Variants in CCAR1 observed in about 807,000 individuals in gnomAD.
CCAR1 encodes cell division cycle and apoptosis regulator 1.
CCAR1 carries 78 observed loss-of-function variants against 163.8 expected under a neutral mutation model. The ratio of observed to expected loss-of-function variants is 0.48; its 90% CI spans 0.40 to 0.57. The LOEUF (loss-of-function observed/expected upper bound fraction) is 0.57. Among genes scored for constraint, CCAR1 ranks in the 20% least tolerant of loss-of-function variants. CCAR1 has a pLI of 0.00. For synonymous variants in CCAR1, 443 were observed against 460.7 expected (o/e 0.96, Z 0.49); for missense variants, 1,019 against 1,365.2 (o/e 0.75, Z 4.00).
At position 68,786,668 on chromosome 10, in the gene CCAR1, T is replaced by C; in HGVS notation, c.2856T>C (p.Leu952=). ...EKDLEEILYT[L]GLHLSRAQVK... is the part of the protein sequence containing the mutation. ...ATTTGGAAGAAATACTTTATACTCT[T>C]GGACTACATCTTTCTCGGGCTCAGG... Residue 952 remains leucine (L), a synonymous_variant, in exon 21 of 25, where the codon CTT becomes CTC. Transcript: ENST00000265872. 6.3e-7 allele frequency: 1 copy of C among 1,597,490 alleles called. No homozygotes were observed. The highest frequency in any genetic ancestry group is 8.5e-7 in the Non-Finnish European group (1 of 1,175,468).
chr10:68,773,772 C>T (rs2056630340), intron 19 of CCAR1, among the ~76,000 whole-genome samples: 1 of 152,276 alleles, frequency 6.6e-6, no homozygotes, highest in Middle Eastern at 3.4e-3. Flanking sequence ...AGTACTGTGG[C>T]ATGCTCACAG....
At chr10:68,781,412 G>A (rs1206374748) in intron 19 of CCAR1, among the ~76,000 whole-genome samples, 4 of 151,644 alleles carry the variant, frequency 2.6e-5, no homozygotes, top group Admixed American at 1.3e-4. Flanking sequence ...GCGTGGTGGC[G>A]GGCACCTGTA....
chr10:68,782,203 T>C (rs2056744900), intron 19 of CCAR1, among the ~76,000 whole-genome samples: 2 of 152,168 alleles, frequency 1.3e-5, no homozygotes, highest in Non-Finnish European at 2.9e-5. Flanking sequence ...CTATAAAGGC[T>C]AAGAAAGATG....
intron 19 of CCAR1, among the ~76,000 whole-genome samples, chr10:68,784,503 A>G (rs763289364): frequency 1.9e-4 from 29 of 152,042 alleles, no homozygotes; most frequent in Non-Finnish European, 4.1e-4. Context: ...GTGACCCACC[A>G]TGTTCGGCGA....
intron 17 of CCAR1, among the ~76,000 whole-genome samples, chr10:68,768,426 A>G (rs962770969): frequency 6.6e-6 from 1 of 151,844 alleles, no homozygotes; most frequent in South Asian, 2.1e-4. Flanking sequence ...CCTGGCCAAC[A>G]TCGTGAAACC....
chr10:68,738,001 T>G lies in CCAR1; in HGVS notation c.291+112T>G, dbSNP rs897500033. On this transcript the variant is annotated intron_variant, in intron 4 of 24. Transcript: ENST00000265872. ...AGCTACCTTAACATGTGATACAAATTTTTTGGGAGGGGCTAGAGTAAATAG... is the reference window on the plus strand; with the variant it reads ...AGCTACCTTAACATGTGATACAAATGTTTTGGGAGGGGCTAGAGTAAATAG... The G allele has an allele frequency of 8.4e-6, 6 of 718,400 alleles. No individual in the cohort carries two copies. The South Asian group carries it at 1.1e-4, about 13-fold the overall frequency. The allele number at this position is 718,400 out of a possible 1,614,324, so 44.5% of individuals were successfully genotyped here. A position where few individuals can be genotyped will look rare whatever the true frequency, so the allele number is the denominator to read the frequency against.
At position 68,769,379 on chromosome 10, in the gene CCAR1, G is replaced by A. The variant is rs559815725; in HGVS notation, c.2299-1827G>A. ...CTCACGCCTGTAATCCCAGCACTTCGGCAGTCTGAGGCAGGCGGATCGCCT... is the reference window on the plus strand; with the variant it reads ...CTCACGCCTGTAATCCCAGCACTTCAGCAGTCTGAGGCAGGCGGATCGCCT... On this transcript the variant is annotated intron_variant, in intron 17 of 24. Coordinates refer to ENST00000265872, the MANE Select transcript of CCAR1 (RefSeq NM_018237.4). 6.7e-3 allele frequency among the ~76,000 whole-genome samples: 1,022 copies of A among 152,244 alleles called. 8 individuals carry two copies. Among genetic ancestry groups the A allele is most frequent in the Non-Finnish European group, 9.7e-3 (662 of 68,006 alleles).
chr10:68,750,625 A>C (rs1296318295), intron 10 of CCAR1, among the ~76,000 whole-genome samples: 1 of 152,172 alleles, frequency 6.6e-6, no homozygotes, highest in Admixed American at 6.6e-5. Flanking sequence ...GACTTAACCC[A>C]GTGTGTGGCA....
At chr10:68,772,448 A>C (rs1352128497) in intron 18 of CCAR1, among the ~76,000 whole-genome samples, 1 of 151,852 alleles carries the variant, frequency 6.6e-6, no homozygotes, top group Non-Finnish European at 1.5e-5. Flanking sequence ...GTGCCACTGC[A>C]CTCCAGCCTG....
At chr10:68,767,474 G>T (rs2056550658) in intron 17 of CCAR1, among the ~76,000 whole-genome samples, 1 of 152,034 alleles carries the variant, frequency 6.6e-6, no homozygotes, top group African/African-American at 2.4e-5. Flanking sequence ...TCAAACTCCT[G>T]ACCTCAAGTG....
intron 17 of CCAR1, among the ~76,000 whole-genome samples, chr10:68,770,827 C>T (rs1391356230): frequency 6.6e-6 from 1 of 152,170 alleles, no homozygotes; most frequent in Non-Finnish European, 1.5e-5. Flanking sequence ...CCTGTAATCC[C>T]AGCACTTTGG....
rs7898749 is a variant in CCAR1, at chr10:68,772,724, C to G, written c.2539-264C>G. Among the ~76,000 whole-genome samples the G allele has an allele frequency of 5.7e-3, 853 of 149,842 alleles. 12 individuals are homozygous for G. The highest frequency in any genetic ancestry group is 0.02 in the African/African-American group (811 of 40,776). ...AGTGAAGGGAAATTGTGCCACTGCA[C>G]TCCAGTCTGGGCGACAGAGCCAGAC... On this transcript the variant is annotated intron_variant, in intron 18 of 24. Coordinates refer to ENST00000265872, the MANE Select transcript of CCAR1 (RefSeq NM_018237.4).
chr10:68,760,584 A>G (rs573480472), intron 15 of CCAR1, among the ~76,000 whole-genome samples: 1 of 152,340 alleles, frequency 6.6e-6, no homozygotes, highest in South Asian at 2.1e-4. Flanking sequence ...AAGTCACACG[A>G]AAGGCTGGGC....
intron 15 of CCAR1, among the ~76,000 whole-genome samples, chr10:68,758,677 G>A (rs1452030568): frequency 2.1e-4 from 3 of 14,570 alleles, no homozygotes; most frequent in Admixed American, 8.6e-4. Context: ...ATATACACAC[G>A]TGTATATATA....
At chr10:68,788,428 T>C (rs970243218) in intron 23 of CCAR1, 100 bp downstream of exon 23, 2 of 670,120 alleles carry the variant, frequency 3.0e-6, no homozygotes, top group Non-Finnish European at 2.3e-6. Context: ...GTGTACACAT[T>C]TGCATATGCA....
chr10:68,733,657 A>T (rs571125232), intron 2 of CCAR1, among the ~76,000 whole-genome samples: 1 of 151,962 alleles, frequency 6.6e-6, no homozygotes, highest in Non-Finnish European at 1.5e-5. Context: ...AAGAATTTTT[A>T]AAATTTATTT....
At chr10:68,751,456 A>T (rs777507627) in intron 10 of CCAR1, among the ~76,000 whole-genome samples, 32 of 152,208 alleles carry the variant, frequency 2.1e-4, no homozygotes, top group Non-Finnish European at 4.1e-4. Context: ...CCTCAAAGAT[A>T]TTAAATAGAG....
chr10:68,775,591 C>G (rs983992149), intron 19 of CCAR1, among the ~76,000 whole-genome samples: 1 of 150,594 alleles, frequency 6.6e-6, no homozygotes, highest in Non-Finnish European at 1.5e-5. Context: ...CTCACTGCAA[C>G]CTCTGCCTCC....
rs749077072 is a variant in CCAR1 at position 68,742,509 on chromosome 10, T to G, written c.458T>G (p.Val153Gly). The change falls in exon 6 of 25, where the codon GTG (valine) becomes GGG (glycine). Residue 153 changes from valine (V) to glycine (G), a missense_variant. By Grantham distance (109) the Val-to-Gly change is moderately radical. Coordinates refer to ENST00000265872, the MANE Select transcript of CCAR1 (RefSeq NM_018237.4). Reference protein sequence around the residue: ...QPQKQRVFTGVVTKLHDTFGF... With the variant: ...QPQKQRVFTGGVTKLHDTFGF... The stretch of plus-strand genomic sequence containing the variant: ...CAGAAGCAGCGTGTTTTCACAGGGG[T>G]GGTTACAAAACTACATGATACGTTT... The G allele has an allele frequency of 1.2e-6, 2 of 1,613,968 alleles. No individual in the cohort carries two copies. The highest frequency in any genetic ancestry group is 1.3e-5 in the African/African-American group (1 of 74,906).
Sources: allele counts gnomAD v4.1 joint callset (sites outside exome capture counted in the v4.1 genomes callset), GRCh38; gene constraint gnomAD v4.1.1; transcripts MANE v1.5; gene names NCBI Gene and HGNC (gene_info 2026-07-23, HGNC 2026-07-21).